The following ADCY5 variants were observed in gnomAD, a reference collection of about 807,000 sequenced individuals.
ADCY5 encodes adenylate cyclase type 5.
Under a neutral mutation model 119.7 loss-of-function variants are expected in ADCY5, and 30 were observed. The observed-to-expected ratio is 0.25, with a 90% CI of 0.19 to 0.34. The LOEUF (loss-of-function observed/expected upper bound fraction) is 0.34. Ranked by LOEUF, ADCY5 falls within the 10% of genes least tolerant of loss-of-function variation. The pLI, the probability that ADCY5 is intolerant of heterozygous loss-of-function variation, is 1.00. For synonymous variants in ADCY5, 753 were observed against 762.2 expected (o/e 0.99, Z 0.20); for missense variants, 1,324 against 1,775.2 (o/e 0.75, Z 4.57).
At chr3:123,413,085 G>A (rs1945097214) in intron 1 of ADCY5, among the ~76,000 whole-genome samples, 1 of 152,142 alleles carries the variant, frequency 6.6e-6, no homozygotes, top group East Asian at 1.9e-4. Context: ...CCTCCGGGAC[G>A]GGACCAGGCT....
chr3:123,307,911 T>G lies in ADCY5; in HGVS notation c.2443-3728A>C, dbSNP rs531880791. Among the ~76,000 whole-genome samples, 7 of 150,986 alleles carry G rather than the reference T, an allele frequency of 4.6e-5. No individual in the cohort carries two copies. In the South Asian group the frequency reaches 1.5e-3, roughly 32 times the overall value. On this transcript the variant is annotated intron_variant, in intron 12 of 20. Coordinates refer to ENST00000462833, the MANE Select transcript of ADCY5 (RefSeq NM_183357.3). ...AGAGGCGAGGAGAAGAACTGCAGGCTTAAAAAAAAATCAGTGTTAGATGTG... is the reference window on the plus strand; with the variant it reads ...AGAGGCGAGGAGAAGAACTGCAGGCGTAAAAAAAAATCAGTGTTAGATGTG...
At chr3:123,351,438 C>T (rs1233899180) in intron 2 of ADCY5, among the ~76,000 whole-genome samples, 1 of 152,216 alleles carries the variant, frequency 6.6e-6, no homozygotes, top group Non-Finnish European at 1.5e-5. Context: ...CTTCCATGTT[C>T]ATATCAGCCA....
chr3:123,348,071 A>ATGTG (rs1159589053), intron 2 of ADCY5, among the ~76,000 whole-genome samples, 168 bp from the exon 3 acceptor site: 229 of 49,158 alleles, frequency 4.7e-3, no homozygotes, highest in South Asian at 8.7e-3. Flanking sequence ...GTGTCTGTGC[A>ATGTG]TGTGTGTGTA....
chr3:123,379,517 G>T (rs1943957520), intron 1 of ADCY5, among the ~76,000 whole-genome samples: 1 of 152,210 alleles, frequency 6.6e-6, no homozygotes, highest in Non-Finnish European at 1.5e-5. Flanking sequence ...CAGCGGGTTT[G>T]CAAGAACCTT....
At position 123,284,523 on chromosome 3, in the gene ADCY5, G is replaced by C; in HGVS notation, c.*85C>G. Reference sequence around the variant, plus strand: ...AGCGCAGCCCTGCGGGCTGGAGCATGGCTTCCCCGCCACCCCCGGCACACA... The same window carrying C: ...AGCGCAGCCCTGCGGGCTGGAGCATCGCTTCCCCGCCACCCCCGGCACACA... On this transcript the variant is annotated 3_prime_UTR_variant, in exon 21 of 21. Transcript: ENST00000462833. 6.4e-7 allele frequency: 1 copy of C among 1,573,426 alleles called. No individual in the cohort carries two copies. Among genetic ancestry groups the C allele is most frequent in the Non-Finnish European group, 8.7e-7 (1 of 1,155,526 alleles).
intron 1 of ADCY5, among the ~76,000 whole-genome samples, chr3:123,356,904 T>A (rs1028321511): frequency 6.6e-6 from 1 of 152,058 alleles, no homozygotes; most frequent in Non-Finnish European, 1.5e-5. Context: ...TTTGCATAAA[T>A]ACTCAGCTAT....
chr3:123,375,811 T>TCATTTAGC (rs981038811), intron 1 of ADCY5, among the ~76,000 whole-genome samples: 10 of 152,280 alleles, frequency 6.6e-5, no homozygotes, highest in African/African-American at 2.4e-4. Flanking sequence ...CACGAGGGCC[T>TCATTTAGC]CATTTAGCCC....
In ADCY5 at chr3:123,382,052, C is replaced by G. The variant is rs375617650; in HGVS notation, c.1135-29471G>C. 1.8e-4 allele frequency among the ~76,000 whole-genome samples: 28 copies of G among 152,294 alleles called. No individual in the cohort carries two copies. The East Asian group carries it at 2.1e-3, about 12-fold the overall frequency. ...CTCCTGGGGCCCCCCTGTTGTCCCT[C>G]TGCTCCAGCCATACTGGCCTTCTTG... On this transcript the variant is annotated intron_variant, in intron 1 of 20. Transcript: ENST00000462833.
chr3:123,295,984 A>C, intron 17 of ADCY5, 100 bp downstream of exon 17: 1 of 1,523,836 alleles, frequency 6.6e-7, no homozygotes, highest in Admixed American at 1.8e-5. Flanking sequence ...ACAGTGTAAG[A>C]CGAAGGCCCG....
At chr3:123,369,170 G>A (rs1238166471) in intron 1 of ADCY5, among the ~76,000 whole-genome samples, 1 of 152,186 alleles carries the variant, frequency 6.6e-6, no homozygotes, top group African/African-American at 2.4e-5. Context: ...AAGAAGAGGA[G>A]AAGAGACCTG....
chr3:123,356,587 C>A (rs1943046638), intron 1 of ADCY5, among the ~76,000 whole-genome samples: 1 of 152,198 alleles, frequency 6.6e-6, no homozygotes, highest in Non-Finnish European at 1.5e-5. Context: ...AGAGGCCTAA[C>A]TGCAGAACCT....
At chr3:123,441,279 T>C (rs543791430) in intron 1 of ADCY5, among the ~76,000 whole-genome samples, 1 of 152,294 alleles carries the variant, frequency 6.6e-6, no homozygotes, top group South Asian at 2.1e-4. Flanking sequence ...TGAATCTGCA[T>C]TTTTTCAAAA....
chr3:123,412,620 G>A (rs770397969), intron 1 of ADCY5, among the ~76,000 whole-genome samples: 17 of 152,100 alleles, frequency 1.1e-4, no homozygotes, highest in Non-Finnish European at 2.2e-4. Context: ...TGGGAGTCGG[G>A]GTTAATGGGG....
At chr3:123,301,935 G>A (rs1576542000) in intron 14 of ADCY5, among the ~76,000 whole-genome samples, 1 of 152,256 alleles carries the variant, frequency 6.6e-6, no homozygotes, top group East Asian at 1.9e-4. Context: ...GAGCGGGGGT[G>A]GGGCTGCACC....
intron 1 of ADCY5, among the ~76,000 whole-genome samples, chr3:123,394,782 G>A (rs1259403866): frequency 6.6e-6 from 1 of 152,188 alleles, no homozygotes. Flanking sequence ...GGCCTGCTTT[G>A]TATTGTGGCA....
chr3:123,381,457 C>T (rs2877709), intron 1 of ADCY5, among the ~76,000 whole-genome samples: 72,064 of 152,106 alleles, frequency 0.47, 17,837 homozygotes, highest in East Asian at 0.68. Context: ...CAACTCTACA[C>T]TTGCACGACA....
At chr3:123,439,745 G>A (rs947399727) in intron 1 of ADCY5, among the ~76,000 whole-genome samples, 6 of 152,168 alleles carry the variant, frequency 3.9e-5, no homozygotes, top group East Asian at 1.9e-4. Context: ...GGCTGAAGGC[G>A]GTCCTCAGAG....
intron 1 of ADCY5, among the ~76,000 whole-genome samples, chr3:123,423,401 T>G (rs1945340435): frequency 1.3e-5 from 2 of 152,146 alleles, no homozygotes; most frequent in South Asian, 4.1e-4. Flanking sequence ...TTTTCCCGCA[T>G]CCCCAGCTAC....
In ADCY5 at chr3:123,352,345, A is replaced by C. The variant is rs1354471298; in HGVS notation, c.1284+87T>G. 3 of 1,465,852 alleles carry C rather than the reference A, an allele frequency of 2.0e-6. No individual in the cohort carries two copies. Among genetic ancestry groups the C allele is most frequent in the Non-Finnish European group, 2.7e-6 (3 of 1,101,460 alleles). 90.8% of individuals were successfully genotyped at this position (1,465,852 alleles called of 1,614,324 possible). A position where few individuals can be genotyped will look rare whatever the true frequency, so the allele number is the denominator to read the frequency against. The stretch of plus-strand genomic sequence containing the variant: ...AGTGGGGCTGGCAGCCGTAATAAGC[A>C]CTGCCCGCCCTAGGCCAGGCACTCA... On this transcript the variant is annotated intron_variant, in intron 2 of 20. Transcript: ENST00000462833. This position sits in a 1 kb window ranked among gnomAD's most constrained non-coding sequence, Gnocchi z 4.8.
Sources: gnomAD v4.1 joint callset for allele counts (sites outside exome capture counted in the v4.1 genomes callset) on GRCh38, gnomAD v4.1.1 for gene constraint, Gnocchi (gnomAD v3.1) non-coding constraint, MANE v1.5 for transcripts, NCBI Gene and HGNC (gene_info 2026-07-23, HGNC 2026-07-21) for gene names.